Variants in PRCC observed in about 807,000 individuals in gnomAD.
PRCC encodes the protein proline-rich protein PRCC.
Under a neutral mutation model 44.0 loss-of-function variants are expected in PRCC, and 10 were observed. The ratio of observed to expected loss-of-function variants is 0.23; its 90% confidence interval spans 0.14 to 0.39. The LOEUF (loss-of-function observed/expected upper bound fraction) is 0.39. Among genes scored for constraint, PRCC ranks in the 10% least tolerant of loss-of-function variants. The probability of loss-of-function intolerance (pLI) is 1.00; values close to 1 mark genes in which losing one functional copy is unlikely to be tolerated. For synonymous variants in PRCC, 278 were observed against 259.5 expected (o/e 1.07, Z -0.69); for missense variants, 573 against 624.7 (o/e 0.92, Z 0.88).
intron 2 of PRCC, among the ~76,000 whole-genome samples, chr1:156,786,172 G>T (rs1652238097): frequency 6.6e-6 from 1 of 152,182 alleles, no homozygotes; most frequent in African/African-American, 2.4e-5. Flanking sequence ...TCTTGATTTT[G>T]GGTAGCATTC....
intron 1 of PRCC, among the ~76,000 whole-genome samples, chr1:156,771,219 G>A (rs972591496): frequency 5.3e-5 from 8 of 152,198 alleles, no homozygotes; most frequent in African/African-American, 1.7e-4. Context: ...AAGCACAGTG[G>A]CTGGAGCATT....
intron 1 of PRCC, among the ~76,000 whole-genome samples, chr1:156,776,729 G>A (rs146885062): frequency 6.6e-6 from 1 of 152,244 alleles, no homozygotes; most frequent in African/African-American, 2.4e-5. Flanking sequence ...GTTTATTTCA[G>A]ATTATTGCCA....
At position 156,774,157 on chromosome 1, in the gene PRCC, C is replaced by CTTTTTTTTTT. The variant is rs76271348; in HGVS notation, c.468+5945_468+5954dup. 7.6e-4 allele frequency among the ~76,000 whole-genome samples: 41 copies of CTTTTTTTTTT among 53,994 alleles called. 11 individuals are homozygous for CTTTTTTTTTT. The highest frequency in any genetic ancestry group is 7.4e-4 in the African/African-American group (9 of 12,136). The allele number at this position is 53,994 out of a possible 152,430, so 35.4% of individuals were successfully genotyped here. On this transcript the variant is annotated intron_variant, in intron 1 of 6. Coordinates refer to ENST00000271526, the MANE Select transcript of PRCC (RefSeq NM_005973.5). ...GAGTTTCTTTCTTTTTTTGAGTCAC[C>CTTTTTTTTTT]TTTTTTTTTTTTTTTTTTTTTTTTT... is the stretch of plus-strand genomic sequence containing the variant.
At chr1:156,775,764 C>T (rs1370745964) in intron 1 of PRCC, among the ~76,000 whole-genome samples, 1 of 152,172 alleles carries the variant, frequency 6.6e-6, no homozygotes, top group Non-Finnish European at 1.5e-5. Flanking sequence ...CCACCTCGGC[C>T]TCCCAAAGTG....
At chr1:156,789,118 C>T (rs1459894978) in intron 3 of PRCC, among the ~76,000 whole-genome samples, 4 of 151,772 alleles carry the variant, frequency 2.6e-5, no homozygotes, top group African/African-American at 4.8e-5. Flanking sequence ...TATATGTGCC[C>T]GCCACCATGC....
intron 5 of PRCC, chr1:156,797,042 G>T: frequency 2.0e-6 from 1 of 505,570 alleles, no homozygotes. Flanking sequence ...CAGTCTAGTG[G>T]GGGATATTAG....
intron 2 of PRCC, among the ~76,000 whole-genome samples, chr1:156,783,908 A>G (rs1194311811): frequency 6.6e-6 from 1 of 151,970 alleles, no homozygotes; most frequent in African/African-American, 2.4e-5. Context: ...GAAGTTAGAA[A>G]GATAACTGGC....
intron 2 of PRCC, among the ~76,000 whole-genome samples, chr1:156,785,047 A>T (rs550668329): frequency 2.0e-5 from 3 of 152,082 alleles, no homozygotes; most frequent in Admixed American, 1.3e-4. Flanking sequence ...TGACAAAACT[A>T]CCTCTGTATG....
chr1:156,787,798 G>C (rs1652329743), intron 3 of PRCC, among the ~76,000 whole-genome samples: 2 of 149,612 alleles, frequency 1.3e-5, no homozygotes, highest in African/African-American at 5.0e-5. Flanking sequence ...CTACAGATGT[G>C]TGCCACCCTA....
intron 1 of PRCC, among the ~76,000 whole-genome samples, chr1:156,773,660 C>G (rs773128239): frequency 6.6e-6 from 1 of 152,122 alleles, no homozygotes; most frequent in Non-Finnish European, 1.5e-5. Flanking sequence ...GAAGTTGACT[C>G]CACAACCTCC....
intron 1 of PRCC, among the ~76,000 whole-genome samples, chr1:156,777,311 C>T (rs1428209120): frequency 1.3e-5 from 2 of 152,084 alleles, no homozygotes; most frequent in African/African-American, 2.4e-5. Flanking sequence ...TGGTTCTGCC[C>T]CATCCTATTT....
rs1251496357 is a variant in PRCC at position 156,786,862 on chromosome 1, A to C, written c.771A>C (p.Thr257=). Residue 257 remains threonine, a synonymous_variant, in exon 3 of 7, where the codon ACA becomes ACC. Transcript: ENST00000271526. ...CCAAGAGTGCTGCCCTGCAGGTGAC[A>C]AAGCAGATCACGCAGGAAGAAGACG... The part of the protein sequence containing the change: ...AAAKSAALQV[T]KQITQEEDDS... The C allele has an allele frequency of 6.2e-7, 1 of 1,614,230 alleles. No individual in the cohort carries two copies. Among genetic ancestry groups the C allele is most frequent in the East Asian group, 2.2e-5 (1 of 44,884 alleles).
chr1:156,795,283 G>GTTT (rs1643580633), intron 5 of PRCC, among the ~76,000 whole-genome samples: 1 of 36,152 alleles, frequency 2.8e-5, no homozygotes, highest in African/African-American at 9.3e-5. Flanking sequence ...TCATTTTCTG[G>GTTT]TGTTTTTTTT....
At chr1:156,785,450 T>A (rs758220807) in intron 2 of PRCC, among the ~76,000 whole-genome samples, 1 of 151,182 alleles carries the variant, frequency 6.6e-6, no homozygotes, top group Non-Finnish European at 1.5e-5. Flanking sequence ...GAGGCGGAGG[T>A]TGCAGTGAGC....
At chr1:156,774,412 A>G (rs1231389040) in intron 1 of PRCC, among the ~76,000 whole-genome samples, 1 of 150,668 alleles carries the variant, frequency 6.6e-6, no homozygotes, top group Non-Finnish European at 1.5e-5. Context: ...TGACCTCGTG[A>G]TCCGCCCGTC....
At chr1:156,798,840 C>CAAAAAAA (rs890646541) in intron 6 of PRCC, among the ~76,000 whole-genome samples, 2 of 53,680 alleles carry the variant, frequency 3.7e-5, no homozygotes, top group African/African-American at 5.9e-5. Flanking sequence ...GACTCCATCT[C>CAAAAAAA]AAAAAAAAAA....
chr1:156,791,629 C>A, intron 3 of PRCC, 68 bp from the exon 4 acceptor site: 1 of 1,424,584 alleles, frequency 7.0e-7, no homozygotes, highest in Non-Finnish European at 9.7e-7. Flanking sequence ...TGTTTCTGGA[C>A]AGACCTTACC....
chr1:156,778,929 A>G (rs1571578340), intron 1 of PRCC, among the ~76,000 whole-genome samples: 1 of 150,586 alleles, frequency 6.6e-6, no homozygotes, highest in East Asian at 1.9e-4. Context: ...CCTCCCGAGT[A>G]GCTGGGATTA....
intron 2 of PRCC, among the ~76,000 whole-genome samples, chr1:156,783,129 C>T (rs1459940703): frequency 6.6e-6 from 1 of 152,098 alleles, no homozygotes; most frequent in African/African-American, 2.4e-5. Flanking sequence ...GTCTCAAACT[C>T]CCGACCTCAG....
Sources: allele counts gnomAD v4.1 joint callset (sites outside exome capture counted in the v4.1 genomes callset), GRCh38; gene constraint gnomAD v4.1.1; transcripts MANE v1.5; gene names NCBI Gene and HGNC (gene_info 2026-07-23, HGNC 2026-07-21).